NIBAN1: variants seen among roughly 807,000 people sequenced by gnomAD.
NIBAN1 encodes the protein protein Niban 1.
In NIBAN1, 81 loss-of-function variants were observed where a neutral mutation model predicts 75.1. The observed-to-expected ratio is 1.08, with a 90% confidence interval of 0.90 to 1.30. The LOEUF (loss-of-function observed/expected upper bound fraction) is 1.30, where lower values mean the gene tolerates loss of function less well. NIBAN1 is among the 50% of genes most tolerant of loss of function. The probability of loss-of-function intolerance (pLI) is 0.00; values close to 1 mark genes in which losing one functional copy is unlikely to be tolerated. For synonymous variants in NIBAN1, 436 were observed against 424.8 expected (o/e 1.03, Z -0.32); for missense variants, 1,133 against 1,128.1 (o/e 1.00, Z -0.06).
intron 1 of NIBAN1, among the ~76,000 whole-genome samples, chr1:184,941,805 C>T (rs976848748): frequency 1.3e-5 from 2 of 152,186 alleles, no homozygotes; most frequent in Admixed American, 6.5e-5. Flanking sequence ...TCCCTGTGTC[C>T]CATGCTAAGT....
chr1:184,825,532 G>GA (rs1654820414), intron 6 of NIBAN1, among the ~76,000 whole-genome samples: 1 of 151,986 alleles, frequency 6.6e-6, no homozygotes, highest in Admixed American at 6.6e-5. Context: ...AAAGAAAAAG[G>GA]AAAAAATAAA....
At chr1:184,970,287 A>C (rs1241100862) in intron 1 of NIBAN1, among the ~76,000 whole-genome samples, 1 of 152,138 alleles carries the variant, frequency 6.6e-6, no homozygotes. Flanking sequence ...ATTACTAGCC[A>C]ACTTGGACTC....
chr1:184,917,100 A>G (rs1170146398), intron 1 of NIBAN1, among the ~76,000 whole-genome samples: 1 of 152,150 alleles, frequency 6.6e-6, no homozygotes, highest in African/African-American at 2.4e-5. Context: ...AAACACTGCT[A>G]TGCTGTGCGC....
At chr1:184,865,410 G>A (rs1655928487) in intron 5 of NIBAN1, among the ~76,000 whole-genome samples, 1 of 152,120 alleles carries the variant, frequency 6.6e-6, no homozygotes. Flanking sequence ...CACACATTGA[G>A]TACCAATGGA....
chr1:184,890,137 A>G lies in NIBAN1; in HGVS notation c.404T>C (p.Leu135Ser), dbSNP rs1298257526. Residue 135 changes from leucine to serine, a missense_variant, in exon 4 of 14, where the codon TTG becomes TCG. Coordinates refer to ENST00000367511, the MANE Select transcript of NIBAN1 (RefSeq NM_052966.4). ...VLTSEDEYNL[L>S]SDRHFPDPLA... ...AGGGTCTGGGAAATGCCTGTCAGAC[A>G]ACAGATTATATTCATCTTCTGAGGT... 1 of 1,613,744 alleles carries G rather than the reference A, an allele frequency of 6.2e-7. No individual in the cohort carries two copies. Among genetic ancestry groups the G allele is most frequent in the Admixed American group, 1.7e-5 (1 of 59,992 alleles).
intron 9 of NIBAN1, among the ~76,000 whole-genome samples, chr1:184,812,562 T>C (rs1482271815): frequency 6.6e-6 from 1 of 152,200 alleles, no homozygotes; most frequent in South Asian, 2.1e-4. Context: ...CTTATCTCCA[T>C]CTTGTTTTAT....
chr1:184,814,933 T>A (rs1315110574), intron 9 of NIBAN1, among the ~76,000 whole-genome samples: 4 of 152,228 alleles, frequency 2.6e-5, no homozygotes, highest in Non-Finnish European at 5.9e-5. Context: ...ATCCTTAAGC[T>A]TTTGTTATTA....
chr1:184,904,086 G>A (rs1041251402), intron 1 of NIBAN1, among the ~76,000 whole-genome samples: 1 of 152,122 alleles, frequency 6.6e-6, no homozygotes, highest in Non-Finnish European at 1.5e-5. Flanking sequence ...AGCAGAGACA[G>A]GGTTTCACCA....
chr1:184,878,079 G>A (rs533068517), intron 5 of NIBAN1, among the ~76,000 whole-genome samples: 1 of 152,262 alleles, frequency 6.6e-6, no homozygotes, highest in South Asian at 2.1e-4. Context: ...GTCTGTGATT[G>A]CACTGAAAGA....
At chr1:184,970,865 C>A (rs1206397942) in intron 1 of NIBAN1, among the ~76,000 whole-genome samples, 2 of 152,052 alleles carry the variant, frequency 1.3e-5, no homozygotes, top group Non-Finnish European at 2.9e-5. Flanking sequence ...GTTAAAAATT[C>A]AAGGGTAATT....
At chr1:184,913,020 A>G (rs1473430061) in intron 1 of NIBAN1, among the ~76,000 whole-genome samples, 1 of 152,042 alleles carries the variant, frequency 6.6e-6, no homozygotes, top group Admixed American at 6.6e-5. Context: ...TCCACACTGA[A>G]GTTTAGAACC....
Position 184,942,964 on chromosome 1 carries a change from G to C in NIBAN1, c.55+31338C>G, listed in dbSNP as rs1408186896. 2.6e-5 allele frequency among the ~76,000 whole-genome samples: 4 copies of C among 152,342 alleles called. No individual in the cohort carries two copies. The East Asian group carries it at 7.7e-4, about 29-fold the overall frequency. On this transcript the variant is annotated intron_variant, in intron 1 of 13. Coordinates refer to ENST00000367511, the MANE Select transcript of NIBAN1 (RefSeq NM_052966.4). Reference sequence around the variant, plus strand: ...AAGAGGAAAAAGTAATAGGCAAAGAGAAGAACATCAGTGGCGGAATGAGAG... The same window carrying C: ...AAGAGGAAAAAGTAATAGGCAAAGACAAGAACATCAGTGGCGGAATGAGAG...
intron 5 of NIBAN1, among the ~76,000 whole-genome samples, chr1:184,871,074 C>T (rs767104694): frequency 6.6e-5 from 10 of 152,216 alleles, no homozygotes; most frequent in Admixed American, 3.9e-4. Context: ...TAGCTGGGTG[C>T]AGTGGCTCAT....
At chr1:184,947,720 A>G (rs1658266318) in intron 1 of NIBAN1, among the ~76,000 whole-genome samples, 4 of 152,186 alleles carry the variant, frequency 2.6e-5, no homozygotes, top group Admixed American at 2.6e-4. Context: ...GTGGCAGAGG[A>G]CTTGGCACAG....
chr1:184,832,574 GA>G (rs532024646), intron 5 of NIBAN1, among the ~76,000 whole-genome samples: 1 of 152,212 alleles, frequency 6.6e-6, no homozygotes, highest in Non-Finnish European at 1.5e-5. Flanking sequence ...CTGAGGCACA[GA>G]AAGATGAATT....
intron 1 of NIBAN1, among the ~76,000 whole-genome samples, chr1:184,905,637 A>G (rs1335213701): frequency 1.3e-5 from 2 of 152,080 alleles, no homozygotes; most frequent in Non-Finnish European, 2.9e-5. Flanking sequence ...CTTCAAGCCC[A>G]CATGACAGTC....
chr1:184,803,712 T>G lies in NIBAN1; in HGVS notation c.1447-20A>C. 6.3e-7 allele frequency: 1 copy of G among 1,595,504 alleles called. No homozygotes were observed. Among genetic ancestry groups the G allele is most frequent in the Non-Finnish European group, 8.6e-7 (1 of 1,163,444 alleles). ...ATATTGCTGTCAATAAAGAAACATA[T>G]GTTAAATAGTAACATTACAATCTGT... On this transcript the variant is annotated intron_variant, in intron 11 of 13. Transcript: ENST00000367511.
At chr1:184,864,310 T>C (rs1015010495) in intron 5 of NIBAN1, among the ~76,000 whole-genome samples, 2 of 151,352 alleles carry the variant, frequency 1.3e-5, no homozygotes, top group Admixed American at 6.6e-5. Context: ...TATTTTATCA[T>C]TATAATTGGC....
intron 5 of NIBAN1, among the ~76,000 whole-genome samples, chr1:184,858,917 G>T (rs561111936): frequency 1.3e-5 from 2 of 151,614 alleles, no homozygotes; most frequent in Non-Finnish European, 2.9e-5. Context: ...GTGAAAAAAA[G>T]AAAAATAGAG....
Sources: gnomAD v4.1 joint callset for allele counts (sites outside exome capture counted in the v4.1 genomes callset) on GRCh38, gnomAD v4.1.1 for gene constraint, MANE v1.5 for transcripts, NCBI Gene and HGNC (gene_info 2026-07-23, HGNC 2026-07-21) for gene names.